OSTF1: variants seen among roughly 807,000 people sequenced by gnomAD.
OSTF1 encodes the protein osteoclast stimulating factor 1.
In OSTF1, 27 loss-of-function variants were observed where a neutral mutation model predicts 37.2. The ratio of observed to expected loss-of-function variants is 0.73; its 90% CI spans 0.54 to 1.00. The LOEUF (loss-of-function observed/expected upper bound fraction) is 1.00. Among genes scored for constraint, OSTF1 ranks in the 50% least tolerant of loss-of-function variants. The pLI is 0.00. For missense variants in OSTF1, 232 were observed against 253.8 expected (o/e 0.91, Z 0.58); for synonymous variants, 82 against 89.2 (o/e 0.92, Z 0.46).
chr9:75,138,815 G>A (rs1317973813), intron 8 of OSTF1, among the ~76,000 whole-genome samples: 2 of 151,930 alleles, frequency 1.3e-5, no homozygotes, highest in African/African-American at 4.8e-5. Context: ...GAGCTCTAAA[G>A]TATAATATAG....
intron 2 of OSTF1, among the ~76,000 whole-genome samples, chr9:75,118,959 C>T (rs554034709): frequency 1.3e-5 from 2 of 152,234 alleles, no homozygotes; most frequent in Non-Finnish European, 2.9e-5. Context: ...CTCATATATG[C>T]TAGGGACCAG....
At chr9:75,139,583 C>T (rs977652259) in intron 8 of OSTF1, among the ~76,000 whole-genome samples, 17 of 152,164 alleles carry the variant, frequency 1.1e-4, no homozygotes, top group African/African-American at 4.1e-4. Context: ...CATGCGCCAC[C>T]ACACTTGGCT....
At chr9:75,146,181 A>G (rs1826020903) in intron 9 of OSTF1, among the ~76,000 whole-genome samples, 2 of 152,236 alleles carry the variant, frequency 1.3e-5, no homozygotes, top group Admixed American at 1.3e-4. Context: ...GCTCTATTTT[A>G]AAACTTTTCC....
chr9:75,106,677 C>T (rs1036310755), intron 1 of OSTF1, among the ~76,000 whole-genome samples: 5 of 145,922 alleles, frequency 3.4e-5, no homozygotes, highest in African/African-American at 1.0e-4. Flanking sequence ...CAGTGGGTGC[C>T]GGGCGTGGTG....
At chr9:75,091,464 A>G (rs946516693) in intron 1 of OSTF1, among the ~76,000 whole-genome samples, 2 of 152,158 alleles carry the variant, frequency 1.3e-5, no homozygotes, top group Non-Finnish European at 2.9e-5. Flanking sequence ...CAGGAAGTCG[A>G]AAGGGAGGGG....
rs73546382 is a variant in OSTF1 at position 75,125,777 on chromosome 9, A to C, written c.82-1792A>C. ...TTAGATTCATGGAGAAATAGTTATA[A>C]TAAGAATGTAGATCAGCTTTAAAAC... On this transcript the variant is annotated intron_variant, in intron 2 of 9. Transcript: ENST00000346234. 2.1e-3 allele frequency among the ~76,000 whole-genome samples: 318 copies of C among 152,378 alleles called. 2 individuals carry two copies. The highest frequency in any genetic ancestry group is 7.2e-3 in the African/African-American group (301 of 41,586).
intron 1 of OSTF1, among the ~76,000 whole-genome samples, chr9:75,098,143 C>G (rs1360042113): frequency 1.3e-5 from 2 of 152,158 alleles, no homozygotes; most frequent in African/African-American, 4.8e-5. Flanking sequence ...AATAATTTCT[C>G]ACATTTCTGA....
At chr9:75,135,537 C>T (rs1825828971) in intron 7 of OSTF1, among the ~76,000 whole-genome samples, 1 of 152,162 alleles carries the variant, frequency 6.6e-6, no homozygotes. Flanking sequence ...TGTTGGACTT[C>T]TTGGATTGAA....
At chr9:75,126,576 T>G (rs1002118270) in intron 2 of OSTF1, among the ~76,000 whole-genome samples, 3 of 152,112 alleles carry the variant, frequency 2.0e-5, no homozygotes, top group African/African-American at 7.2e-5. Context: ...GTTTTTTGGT[T>G]GTTTTTGTTT....
chr9:75,145,648 C>G (rs989404604), intron 9 of OSTF1, among the ~76,000 whole-genome samples: 2 of 152,146 alleles, frequency 1.3e-5, no homozygotes, highest in African/African-American at 4.8e-5. Context: ...TGATTTTTGA[C>G]CTTTATTTAA....
intron 1 of OSTF1, among the ~76,000 whole-genome samples, chr9:75,109,097 C>T (rs1825340312): frequency 6.6e-6 from 1 of 151,162 alleles, no homozygotes; most frequent in Admixed American, 6.6e-5. Flanking sequence ...ACTGCAGCCT[C>T]CACCTGCTGT....
At chr9:75,137,398 T>G in intron 7 of OSTF1, 140 bp from the exon 8 acceptor site, 1 of 597,376 alleles carries the variant, frequency 1.7e-6, no homozygotes, top group South Asian at 2.1e-5. Flanking sequence ...CCTTTTCTCT[T>G]TGGAATTTTA....
chr9:75,136,349 A>G (rs1271725712), intron 7 of OSTF1, among the ~76,000 whole-genome samples: 1 of 152,136 alleles, frequency 6.6e-6, no homozygotes, highest in Non-Finnish European at 1.5e-5. Context: ...CTTTACTAAA[A>G]TATTGTAGGC....
At chr9:75,115,120 C>G (rs1825459308) in intron 1 of OSTF1, among the ~76,000 whole-genome samples, 1 of 152,014 alleles carries the variant, frequency 6.6e-6, no homozygotes, top group African/African-American at 2.4e-5. Flanking sequence ...AAAACATGTT[C>G]AAATAGGAAT....
At chr9:75,117,183 C>A (rs12551445) in intron 1 of OSTF1, among the ~76,000 whole-genome samples, 2,085 of 152,268 alleles carry the variant, frequency 0.014, 92 homozygotes, top group Admixed American at 0.099. Flanking sequence ...TCATCTTAAA[C>A]ATTTATCATT....
chr9:75,088,838 T>C, intron 1 of OSTF1, 112 bp downstream of exon 1: 1 of 1,069,856 alleles, frequency 9.3e-7, no homozygotes, highest in Non-Finnish European at 1.4e-6. Flanking sequence ...GAGCCTGGCT[T>C]CCGAGATCGG....
At chr9:75,142,034 C>T (rs4532667) in intron 9 of OSTF1, among the ~76,000 whole-genome samples, 52,258 of 152,104 alleles carry the variant, frequency 0.34, 9,283 homozygotes, top group East Asian at 0.41. Context: ...AGGCGAGAGC[C>T]GCTGTGCCCA....
intron 1 of OSTF1, among the ~76,000 whole-genome samples, chr9:75,091,324 C>T (rs1824971557): frequency 6.6e-6 from 1 of 151,970 alleles, no homozygotes; most frequent in Non-Finnish European, 1.5e-5. Flanking sequence ...GATCCACCCT[C>T]CTTCGCTTCC....
intron 5 of OSTF1, among the ~76,000 whole-genome samples, chr9:75,132,972 T>TACACACACACAC (rs57913558): frequency 1.3e-4 from 8 of 60,340 alleles, no homozygotes; most frequent in South Asian, 5.1e-4. Flanking sequence ...TACACACACA[T>TACACACACACAC]ACACACACAC....
Sources: gnomAD v4.1 joint callset for allele counts (sites outside exome capture counted in the v4.1 genomes callset) on GRCh38, gnomAD v4.1.1 for gene constraint, MANE v1.5 for transcripts, NCBI Gene and HGNC (gene_info 2026-07-23, HGNC 2026-07-21) for gene names.